Variants in EPHA6 observed in about 807,000 individuals in gnomAD.
EPHA6 encodes EPH receptor A6.
Under a neutral mutation model 112.0 loss-of-function variants are expected in EPHA6, and 50 were observed. That is an observed-to-expected ratio of 0.45 (90% CI 0.36 to 0.56). The LOEUF (loss-of-function observed/expected upper bound fraction) is 0.56. Among genes scored for constraint, EPHA6 ranks in the 20% least tolerant of loss-of-function variants. The pLI, the probability that EPHA6 is intolerant of heterozygous loss-of-function variation, is 0.00. For synonymous variants in EPHA6, 529 were observed against 490.7 expected (o/e 1.08, Z -1.03); for missense variants, 1,280 against 1,417.4 (o/e 0.90, Z 1.56).
chr3:97,447,808 G>C, intron 6 of EPHA6: 1 of 1,014,994 alleles, frequency 9.9e-7, no homozygotes, highest in Non-Finnish European at 1.2e-6. Context: ...CAAGCCTCAA[G>C]CCCTGCCTCT....
chr3:97,567,561 G>T lies in EPHA6; in HGVS notation c.2387-25051G>T, dbSNP rs533521323. On this transcript the variant is annotated intron_variant, in intron 11 of 17. Transcript: ENST00000389672. ...AATACCCCAGAATATGACCAATGAAGTCCTACTGGAGTAAGGTGGGACATT... is the reference window on the plus strand; with the variant it reads ...AATACCCCAGAATATGACCAATGAATTCCTACTGGAGTAAGGTGGGACATT... 3.3e-3 allele frequency among the ~76,000 whole-genome samples: 495 copies of T among 152,192 alleles called. 2 individuals carry two copies. The highest frequency in any genetic ancestry group is 0.011 in the African/African-American group (461 of 41,508).
At chr3:97,346,177 TC>T (rs2083523498) in intron 5 of EPHA6, among the ~76,000 whole-genome samples, 1 of 152,126 alleles carries the variant, frequency 6.6e-6, no homozygotes, top group Non-Finnish European at 1.5e-5. Context: ...CTTCCTAAAG[TC>T]CTTGTGTTCT....
intron 7 of EPHA6, among the ~76,000 whole-genome samples, chr3:97,471,634 T>C (rs966019046): frequency 6.6e-6 from 1 of 151,652 alleles, no homozygotes; most frequent in Non-Finnish European, 1.5e-5. Flanking sequence ...TTCTGATTAG[T>C]GTTGGGTACA....
At chr3:97,736,447 TAGAGAG>T (rs3064321) in intron 16 of EPHA6, among the ~76,000 whole-genome samples, 17,335 of 130,480 alleles carry the variant, frequency 0.13, 1,450 homozygotes, top group East Asian at 0.29. Context: ...CCTTTAGAAG[TAGAGAG>T]AGAGAGAGAG....
At chr3:97,348,251 A>T (rs1487084235) in intron 5 of EPHA6, among the ~76,000 whole-genome samples, 1 of 152,010 alleles carries the variant, frequency 6.6e-6, no homozygotes, top group Non-Finnish European at 1.5e-5. Flanking sequence ...AATAAAGATG[A>T]CTCTTAGACT....
At chr3:96,937,504 T>C (rs2040662515) in intron 2 of EPHA6, among the ~76,000 whole-genome samples, 1 of 152,206 alleles carries the variant, frequency 6.6e-6, no homozygotes, top group Admixed American at 6.5e-5. Context: ...TTCTGGATAT[T>C]AGCCCTCTGT....
intron 2 of EPHA6, among the ~76,000 whole-genome samples, chr3:96,927,990 T>G (rs1240682509): frequency 6.6e-6 from 1 of 151,800 alleles, no homozygotes; most frequent in Non-Finnish European, 1.5e-5. Flanking sequence ...AGAAAGCGAG[T>G]GTGTGAAGGA....
At chr3:97,631,342 G>A (rs1339658015) in intron 13 of EPHA6, among the ~76,000 whole-genome samples, 5 of 152,064 alleles carry the variant, frequency 3.3e-5, no homozygotes, top group Admixed American at 6.6e-5. Context: ...AAATGGGAAC[G>A]AGAGGCTTGA....
At chr3:97,358,453 A>G (rs1257611483) in intron 5 of EPHA6, among the ~76,000 whole-genome samples, 2 of 152,114 alleles carry the variant, frequency 1.3e-5, no homozygotes, top group East Asian at 1.9e-4. Flanking sequence ...GTAATGCATT[A>G]GTTTTTAAAG....
intron 2 of EPHA6, among the ~76,000 whole-genome samples, chr3:96,922,825 C>T (rs1376338067): frequency 1.3e-5 from 2 of 152,040 alleles, no homozygotes; most frequent in Admixed American, 6.6e-5. Flanking sequence ...TCCCACAGGC[C>T]CCAGTATGTG....
chr3:97,539,008 TTTC>T (rs995541033), intron 11 of EPHA6, among the ~76,000 whole-genome samples: 1 of 150,620 alleles, frequency 6.6e-6, no homozygotes, highest in Non-Finnish European at 1.5e-5. Flanking sequence ...TCTTTCTTTC[TTTC>T]TTTCTTTCTT....
chr3:96,898,268 A>T (rs140374677), intron 2 of EPHA6, among the ~76,000 whole-genome samples: 1 of 152,308 alleles, frequency 6.6e-6, no homozygotes, highest in African/African-American at 2.4e-5. Context: ...TACCTATATA[A>T]TTACTTTCTA....
At chr3:97,103,397 G>T (rs114419515) in intron 3 of EPHA6, among the ~76,000 whole-genome samples, 2,296 of 152,192 alleles carry the variant, frequency 0.015, 69 homozygotes, top group African/African-American at 0.052. Context: ...ACTGAATAGG[G>T]AGTTCTTTCC....
chr3:97,052,675 G>A (rs964245185), intron 3 of EPHA6, among the ~76,000 whole-genome samples: 5 of 152,094 alleles, frequency 3.3e-5, no homozygotes, highest in African/African-American at 1.2e-4. Flanking sequence ...CCATTACCAA[G>A]CTGCTTTAGT....
chr3:97,464,110 T>C (rs1375928226), intron 7 of EPHA6, among the ~76,000 whole-genome samples: 2 of 152,154 alleles, frequency 1.3e-5, no homozygotes, highest in Non-Finnish European at 2.9e-5. Flanking sequence ...CTATGGCTTA[T>C]AAATCACATT....
intron 2 of EPHA6, among the ~76,000 whole-genome samples, chr3:96,956,920 A>C (rs2318158): frequency 0.93 from 140,652 of 151,782 alleles, 65,257 homozygotes; most frequent in East Asian, 1. Flanking sequence ...GTAGTCCCAG[A>C]TACTCGGGAG....
intron 10 of EPHA6, among the ~76,000 whole-genome samples, chr3:97,503,473 A>G (rs897060981): frequency 6.6e-6 from 1 of 152,216 alleles, no homozygotes; most frequent in Non-Finnish European, 1.5e-5. Context: ...GTTAGGAACT[A>G]GTCCTTTCCT....
chr3:96,939,091 G>C (rs542604400), intron 2 of EPHA6, among the ~76,000 whole-genome samples: 3 of 152,284 alleles, frequency 2.0e-5, no homozygotes, highest in Admixed American at 6.5e-5. Flanking sequence ...TCTCTGCCAG[G>C]CTTTGGTATC....
intron 14 of EPHA6, among the ~76,000 whole-genome samples, chr3:97,667,510 A>G (rs986327041): frequency 1.2e-4 from 18 of 152,206 alleles, no homozygotes; most frequent in Non-Finnish European, 2.2e-4. Flanking sequence ...TTAGGAATTT[A>G]TGTTATACAA....
Sources: gnomAD v4.1 joint callset for allele counts (sites outside exome capture counted in the v4.1 genomes callset) on GRCh38, gnomAD v4.1.1 for gene constraint, MANE v1.5 for transcripts, NCBI Gene and HGNC (gene_info 2026-07-23, HGNC 2026-07-21) for gene names.